The following RRP12 variants were observed in gnomAD, a reference collection of about 807,000 sequenced individuals.
RRP12 encodes the protein RRP12-like protein.
A neutral mutation model predicts 157.3 loss-of-function variants in RRP12; 78 were observed. That is an observed-to-expected ratio of 0.50 (90% CI 0.41 to 0.60). The LOEUF (loss-of-function observed/expected upper bound fraction) is 0.60. RRP12 is among the 20% of genes least tolerant of loss of function. The pLI is 0.00. For synonymous variants in RRP12, 726 were observed against 670.9 expected, an observed-to-expected ratio of 1.08 and a Z score of -1.27; for missense variants, 1,521 against 1,679.9, an observed-to-expected ratio of 0.91 and a Z score of 1.65.
At chr10:97,364,574 G>T (rs1030298401) in intron 29 of RRP12, among the ~76,000 whole-genome samples, 1 of 152,186 alleles carries the variant, frequency 6.6e-6, no homozygotes, top group Non-Finnish European at 1.5e-5. Flanking sequence ...AAAATTAGCT[G>T]GGCATGGTGG....
In RRP12 at chr10:97,395,207, T is replaced by C. The variant is rs111299892; in HGVS notation, c.453+1011A>G. On this transcript the variant is annotated intron_variant, in intron 3 of 33. Transcript: ENST00000370992. ...AATAAAAAGTATATATATACACATA[T>C]ACACACACACACACACATACATACA... 4.8e-3 allele frequency among the ~76,000 whole-genome samples: 716 copies of C among 149,970 alleles called. 3 individuals carry two copies. The highest frequency in any genetic ancestry group is 0.017 in the African/African-American group (682 of 40,636).
At chr10:97,391,926 G>T (rs978277609) in intron 4 of RRP12, among the ~76,000 whole-genome samples, 1 of 150,966 alleles carries the variant, frequency 6.6e-6, no homozygotes, top group Non-Finnish European at 1.5e-5. Flanking sequence ...TCTCAAAAAG[G>T]AAAAAAACAA....
In RRP12 at chr10:97,386,960, A is replaced by G. The variant is rs190320853; in HGVS notation, c.1018-967T>C. 8.7e-3 allele frequency among the ~76,000 whole-genome samples: 1,316 copies of G among 151,780 alleles called. 22 individuals are homozygous for G. Among genetic ancestry groups the G allele is most frequent in the African/African-American group, 0.03 (1,222 of 41,280 alleles). Reference sequence around the variant, plus strand: ...AGCCGAGACCACGCCACTGCACTCCAGCCTGGGTGACAGAGCGAGACTCCA... The same window carrying G: ...AGCCGAGACCACGCCACTGCACTCCGGCCTGGGTGACAGAGCGAGACTCCA... On this transcript the variant is annotated intron_variant, in intron 8 of 33. Coordinates refer to ENST00000370992, the MANE Select transcript of RRP12 (RefSeq NM_015179.4).
At position 97,370,706 on chromosome 10, in the gene RRP12, G is replaced by C; in HGVS notation, c.2583+10C>G. ...AGGGACCCCCCTCTAAAACACACCC[G>C]CACACTCACCTCTGGGATGAGGGCA... is the stretch of plus-strand genomic sequence containing the variant. On this transcript the variant is annotated intron_variant, in intron 22 of 33. Coordinates refer to ENST00000370992, the MANE Select transcript of RRP12 (RefSeq NM_015179.4). The C allele has an allele frequency of 6.2e-7, 1 of 1,613,312 alleles. No homozygotes were observed. The highest frequency in any genetic ancestry group is 8.5e-7 in the Non-Finnish European group (1 of 1,179,384).
At chr10:97,361,385 G>A (rs1843838211) in intron 30 of RRP12, among the ~76,000 whole-genome samples, 1 of 152,216 alleles carries the variant, frequency 6.6e-6, no homozygotes, top group Non-Finnish European at 1.5e-5. Flanking sequence ...TGCAGGGAGG[G>A]CAGGCAAACA....
At chr10:97,372,676 G>A in intron 19 of RRP12, 60 bp downstream of exon 19, 1 of 1,362,610 alleles carries the variant, frequency 7.3e-7, no homozygotes, top group Non-Finnish European at 1.0e-6. Context: ...GCTTCTGCCA[G>A]ATGCACCCTC....
At chr10:97,376,881 CTTT>C (rs200661913) in intron 15 of RRP12, among the ~76,000 whole-genome samples, 11 of 138,976 alleles carry the variant, frequency 7.9e-5, no homozygotes, top group Admixed American at 1.4e-4. Flanking sequence ...TCTTTCTTTT[CTTT>C]TTTTTTTTTT....
Position 97,380,781 on chromosome 10 carries a change from C to G in RRP12, c.1533+18G>C, listed in dbSNP as rs565302783. On this transcript the variant is annotated intron_variant, in intron 13 of 33. Coordinates refer to ENST00000370992, the MANE Select transcript of RRP12 (RefSeq NM_015179.4). ...CCAGCACCACTTCCTGCCCTGGCCC[C>G]AGCCGCTCCCCACTCACCTTCCTCA... 1 of 1,589,932 alleles carries G rather than the reference C, an allele frequency of 6.3e-7. No homozygotes were observed. Among genetic ancestry groups the G allele is most frequent in the Admixed American group, 1.7e-5 (1 of 59,996 alleles).
intron 31 of RRP12, among the ~76,000 whole-genome samples, chr10:97,359,946 C>T (rs546897257): frequency 6.6e-6 from 1 of 152,350 alleles, no homozygotes; most frequent in African/African-American, 2.4e-5. Flanking sequence ...CCCACAGGAG[C>T]CCCTGGACCT....
intron 13 of RRP12, among the ~76,000 whole-genome samples, chr10:97,380,348 C>A (rs1444052328): frequency 1.3e-5 from 2 of 152,200 alleles, no homozygotes; most frequent in African/African-American, 4.8e-5. Context: ...TGTCCTCAGG[C>A]CCCCACTCTC....
At chr10:97,364,423 G>T (rs1042184317) in intron 29 of RRP12, among the ~76,000 whole-genome samples, 1 of 152,124 alleles carries the variant, frequency 6.6e-6, no homozygotes, top group Non-Finnish European at 1.5e-5. Context: ...AAAGACGATA[G>T]AGAGCACGTG....
chr10:97,366,923 G>T lies in RRP12; in HGVS notation c.3048-14C>A. On this transcript the variant is annotated splice_polypyrimidine_tract_variant and intron_variant, in intron 26 of 33. Transcript: ENST00000370992. ...ACCAGCTCAAATCTGGAGGTGGCAAGGAAGGGCTGGTGAGAGGCACTGGCC... is the reference window on the plus strand; with the variant it reads ...ACCAGCTCAAATCTGGAGGTGGCAATGAAGGGCTGGTGAGAGGCACTGGCC... The T allele has an allele frequency of 6.2e-7, 1 of 1,611,452 alleles. No individual in the cohort carries two copies. The highest frequency in any genetic ancestry group is 1.3e-5 in the African/African-American group (1 of 75,026).
rs895172396 is a variant in RRP12 at position 97,370,776 on chromosome 10, T to C, written c.2523A>G (p.Leu841=). Residue 841 remains leucine (L), a synonymous_variant, in exon 22 of 34, where the codon CTA becomes CTG. Transcript: ENST00000370992. ...CAGCTGAGAGCTTCCTCACGATGTG[T>C]AGGAGGCACTTCAAACGGGGCTGTG... The part of the protein sequence containing the change: ...PAKRPRLKCL[L]HIVRKLSAEH... 5 of 1,613,824 alleles carry C rather than the reference T, an allele frequency of 3.1e-6. No individual in the cohort carries two copies. The African/African-American group carries it at 4.0e-5, about 13-fold the overall frequency.
In RRP12 at chr10:97,379,650, G is replaced by A. The variant is rs1844408080; in HGVS notation, c.1654C>T (p.Pro552Ser). ...MGPEVVLQAV[P>S]LEIDGSEETL... ...TACTCAGAGCCATCAATTTCCAAAG[G>A]CACAGCCTGCAGCACCACCTCAGGT... Residue 552 changes from proline to serine, a missense_variant, in exon 14 of 34, where the codon CCT becomes TCT. Coordinates refer to ENST00000370992, the MANE Select transcript of RRP12 (RefSeq NM_015179.4). 2 of 1,614,012 alleles carry A rather than the reference G, an allele frequency of 1.2e-6. No individual in the cohort carries two copies. Among genetic ancestry groups the A allele is most frequent in the Non-Finnish European group, 1.7e-6 (2 of 1,179,982 alleles).
In RRP12 at chr10:97,369,591, G is replaced by T; in HGVS notation, c.2798-9C>A. The T allele has an allele frequency of 1.3e-6, 2 of 1,554,530 alleles. No homozygotes were observed. Among genetic ancestry groups the T allele is most frequent in the Non-Finnish European group, 1.7e-6 (2 of 1,148,588 alleles). On this transcript the variant is annotated splice_polypyrimidine_tract_variant and intron_variant, in intron 24 of 33. Transcript: ENST00000370992. The stretch of plus-strand genomic sequence containing the variant: ...ACTGGTCCCCATCAGACCTGTGGCA[G>T]TGAGGGGGTCACTGTCTAAGACACC...
At chr10:97,357,675 A>G (rs929447032) in intron 33 of RRP12, among the ~76,000 whole-genome samples, 2 of 152,262 alleles carry the variant, frequency 1.3e-5, no homozygotes, top group African/African-American at 2.4e-5. Context: ...AATGATGACT[A>G]TGGCTGGGCG....
Position 97,398,381 on chromosome 10 carries a change from T to C in RRP12, c.369+1924A>G, listed in dbSNP as rs1485558141. On this transcript the variant is annotated intron_variant, in intron 2 of 33. Coordinates refer to ENST00000370992, the MANE Select transcript of RRP12 (RefSeq NM_015179.4). ...TTTTTTTTTTTTTTTTGAGACAGAG[T>C]CTCGTTCTGTCACCCAGGCTGAAGC... Among the ~76,000 whole-genome samples, 20 of 115,440 alleles carry C rather than the reference T, an allele frequency of 1.7e-4. No homozygotes were observed. The East Asian group carries it at 4.2e-3, about 25-fold the overall frequency. 75.7% of individuals were successfully genotyped at this position (115,440 alleles called of 152,430 possible). A position where few individuals can be genotyped will look rare whatever the true frequency, so the allele number is the denominator to read the frequency against.
Position 97,363,942 on chromosome 10 carries a change from G to C in RRP12, c.3518-39C>G, listed in dbSNP as rs759090664. 6 of 1,597,518 alleles carry C rather than the reference G, an allele frequency of 3.8e-6. No homozygotes were observed. In the African/African-American group the frequency reaches 4.0e-5, roughly 11 times the overall value. On this transcript the variant is annotated intron_variant, in intron 29 of 33. Coordinates refer to ENST00000370992, the MANE Select transcript of RRP12 (RefSeq NM_015179.4). ...AGAGAGGCCCATGAGCGCTGTGGGA[G>C]CTCCTCAAAACCTACCCTTTCCTTC...
intron 15 of RRP12, among the ~76,000 whole-genome samples, chr10:97,376,238 G>C (rs1438732746): frequency 9.1e-6 from 1 of 110,208 alleles, no homozygotes; most frequent in Non-Finnish European, 1.8e-5. Context: ...TTTTTGAGAT[G>C]AAGTCTCGCT....
Sources: gnomAD v4.1 joint callset for allele counts (sites outside exome capture counted in the v4.1 genomes callset) on GRCh38, gnomAD v4.1.1 for gene constraint, MANE v1.5 for transcripts, NCBI Gene and HGNC (gene_info 2026-07-23, HGNC 2026-07-21) for gene names.